CNTNAP2: variants seen among roughly 807,000 people sequenced by gnomAD.
CNTNAP2 encodes contactin-associated protein-like 2.
A neutral mutation model predicts 155.2 loss-of-function variants in CNTNAP2; 98 were observed. That is an observed-to-expected ratio of 0.63 (90% confidence interval 0.54 to 0.75). The LOEUF is 0.75. CNTNAP2 is among the 30% of genes least tolerant of loss of function. CNTNAP2 has a pLI of 0.00. For synonymous variants in CNTNAP2, 651 were observed against 631.2 expected, an observed-to-expected ratio of 1.03 and a Z score of -0.47; for missense variants, 1,727 against 1,688.1, an observed-to-expected ratio of 1.02 and a Z score of -0.40.
intron 3 of CNTNAP2, among the ~76,000 whole-genome samples, chr7:146,960,805 C>T (rs985788858): frequency 3.3e-5 from 5 of 152,116 alleles, no homozygotes; most frequent in Middle Eastern, 3.4e-3. Context: ...TAGAAAATCC[C>T]CATACATTTA....
At chr7:146,738,474 T>C (rs1801657263) in intron 1 of CNTNAP2, among the ~76,000 whole-genome samples, 1 of 152,012 alleles carries the variant, frequency 6.6e-6, no homozygotes, top group Admixed American at 6.6e-5. Flanking sequence ...TCTCTTCGTT[T>C]TGTTTATTGT....
chr7:148,186,474 A>T (rs1490444315), intron 18 of CNTNAP2, among the ~76,000 whole-genome samples: 4 of 152,204 alleles, frequency 2.6e-5, no homozygotes, highest in African/African-American at 9.7e-5. Context: ...CCTCTTTATA[A>T]CACACTCACT....
chr7:147,449,996 T>C (rs987528998), intron 10 of CNTNAP2, among the ~76,000 whole-genome samples: 19 of 152,182 alleles, frequency 1.2e-4, no homozygotes, highest in African/African-American at 4.6e-4. Flanking sequence ...TCTTCTGTGG[T>C]AGGCAAAAAT....
intron 5 of CNTNAP2, among the ~76,000 whole-genome samples, chr7:147,110,103 T>C (rs748693544): frequency 1.6e-4 from 24 of 151,948 alleles, no homozygotes; most frequent in Non-Finnish European, 2.5e-4. Flanking sequence ...TTTTGTATTT[T>C]TAGTAGAGAT....
At chr7:148,250,244 T>C (rs1796340051) in intron 20 of CNTNAP2, among the ~76,000 whole-genome samples, 1 of 152,236 alleles carries the variant, frequency 6.6e-6, no homozygotes, top group African/African-American at 2.4e-5. Context: ...CCGCCTTATT[T>C]AGGGTTGCAG....
chr7:146,922,062 T>C (rs996573869), intron 3 of CNTNAP2, among the ~76,000 whole-genome samples: 27 of 152,312 alleles, frequency 1.8e-4, no homozygotes, highest in African/African-American at 6.0e-4. Context: ...GAATGATAGA[T>C]ATCACATCAG....
At chr7:148,187,694 C>T (rs565189629) in intron 18 of CNTNAP2, among the ~76,000 whole-genome samples, 9 of 152,240 alleles carry the variant, frequency 5.9e-5, no homozygotes, top group East Asian at 1.9e-4. Flanking sequence ...TATGAGCTTC[C>T]GGCCGCTCAA....
At chr7:146,829,769 G>T (rs746974783) in intron 2 of CNTNAP2, among the ~76,000 whole-genome samples, 2 of 151,924 alleles carry the variant, frequency 1.3e-5, no homozygotes, top group African/African-American at 4.8e-5. Flanking sequence ...AAGCTTAACC[G>T]TCTTTAGTCT....
At position 146,910,288 on chromosome 7, in the gene CNTNAP2, G is replaced by A. The variant is rs998798345; in HGVS notation, c.402+70384G>A. On this transcript the variant is annotated intron_variant, in intron 3 of 23. Coordinates refer to ENST00000361727, the MANE Select transcript of CNTNAP2 (RefSeq NM_014141.6). ...CAAGCTACCAATGACTTTCTTCACA[G>A]AATTGGAAAAAGCTACTTTAAAGTT... Among the ~76,000 whole-genome samples the A allele has an allele frequency of 4.0e-4, 60 of 149,818 alleles. 1 individual carries two copies. Among genetic ancestry groups the A allele is most frequent in the African/African-American group, 1.4e-3 (55 of 39,740 alleles).
At chr7:148,179,628 G>A (rs1795001404) in intron 18 of CNTNAP2, among the ~76,000 whole-genome samples, 1 of 136,038 alleles carries the variant, frequency 7.4e-6, no homozygotes. Flanking sequence ...AAGGAAGGAA[G>A]GAGAGAAAGA....
intron 13 of CNTNAP2, among the ~76,000 whole-genome samples, chr7:147,647,211 G>A (rs2116935923): frequency 6.6e-6 from 1 of 151,470 alleles, no homozygotes; most frequent in Admixed American, 6.6e-5. Flanking sequence ...ATGTTGCCCA[G>A]ACTGGTCTAG....
intron 15 of CNTNAP2, among the ~76,000 whole-genome samples, chr7:147,991,004 G>T (rs2710078): frequency 0.022 from 3,290 of 152,106 alleles, 129 homozygotes; most frequent in African/African-American, 0.076. Context: ...AACCACCTAG[G>T]GGCCCACCAT....
intron 1 of CNTNAP2, among the ~76,000 whole-genome samples, chr7:146,335,659 A>T (rs6975232): frequency 0.021 from 3,201 of 152,162 alleles, 124 homozygotes; most frequent in African/African-American, 0.073. Context: ...CACGTTTTTT[A>T]AAAAAAGTCT....
At chr7:147,070,845 C>T (rs982533475) in intron 4 of CNTNAP2, among the ~76,000 whole-genome samples, 8 of 146,730 alleles carry the variant, frequency 5.5e-5, no homozygotes, top group African/African-American at 8.3e-5. Context: ...TTCTCATTTA[C>T]GATGGAAATG....
chr7:147,511,211 A>G (rs1799014571), intron 11 of CNTNAP2, among the ~76,000 whole-genome samples: 1 of 151,950 alleles, frequency 6.6e-6, no homozygotes, highest in Non-Finnish European at 1.5e-5. Context: ...GGCTACCTTT[A>G]TTATGTCAGT....
At chr7:146,660,254 T>G (rs1800064298) in intron 1 of CNTNAP2, among the ~76,000 whole-genome samples, 1 of 152,176 alleles carries the variant, frequency 6.6e-6, no homozygotes, top group Non-Finnish European at 1.5e-5. Context: ...ATCTAGTTTA[T>G]CCACCATTGA....
chr7:148,252,243 A>G (rs1012925678), intron 20 of CNTNAP2, among the ~76,000 whole-genome samples: 3 of 152,176 alleles, frequency 2.0e-5, no homozygotes, highest in Admixed American at 6.5e-5. Flanking sequence ...CTCAAGAAGA[A>G]TATCAGTTTC....
At chr7:146,669,993 T>C (rs1398497423) in intron 1 of CNTNAP2, among the ~76,000 whole-genome samples, 1 of 152,184 alleles carries the variant, frequency 6.6e-6, no homozygotes, top group Admixed American at 6.5e-5. Flanking sequence ...CATACATTAA[T>C]GTTTTGTTCA....
At chr7:146,397,688 C>T (rs1795649713) in intron 1 of CNTNAP2, among the ~76,000 whole-genome samples, 1 of 152,028 alleles carries the variant, frequency 6.6e-6, no homozygotes, top group South Asian at 2.1e-4. Context: ...AATACCCACC[C>T]CTCCAAATTT....
Sources: gnomAD v4.1 joint callset for allele counts (sites outside exome capture counted in the v4.1 genomes callset) on GRCh38, gnomAD v4.1.1 for gene constraint, MANE v1.5 for transcripts, NCBI Gene and HGNC (gene_info 2026-07-23, HGNC 2026-07-21) for gene names.